Variants in ANXA2 observed in about 807,000 individuals in gnomAD.
ANXA2 encodes annexin A2.
In ANXA2, 28 loss-of-function variants were observed where a neutral mutation model predicts 47.3. The observed-to-expected ratio is 0.59, with a 90% CI of 0.44 to 0.81. ANXA2 has a LOEUF of 0.81. Among genes scored for constraint, ANXA2 ranks in the 40% least tolerant of loss-of-function variants. The probability of loss-of-function intolerance (pLI) is 0.00; values close to 1 mark genes in which losing one functional copy is unlikely to be tolerated. For missense variants in ANXA2, 384 were observed against 414.3 expected (o/e 0.93, Z 0.64); for synonymous variants, 172 against 155.5 (o/e 1.11, Z -0.79).
chr15:60,353,840 G>A (rs963212820), intron 8 of ANXA2, among the ~76,000 whole-genome samples: 3 of 152,138 alleles, frequency 2.0e-5, no homozygotes, highest in East Asian at 1.9e-4. Context: ...TATGTGGAGC[G>A]ATTCTAAGGT....
At chr15:60,380,760 T>C (rs1375373158) in intron 3 of ANXA2, among the ~76,000 whole-genome samples, 1 of 130,240 alleles carries the variant, frequency 7.7e-6, no homozygotes, top group Non-Finnish European at 1.5e-5. Flanking sequence ...GCTGAGATGA[T>C]GCCCTTGCAC....
chr15:60,357,089 T>C (rs531879197), intron 6 of ANXA2, 57 bp downstream of exon 6: 11 of 1,520,262 alleles, frequency 7.2e-6, no homozygotes, highest in Middle Eastern at 2.2e-4. Flanking sequence ...CCAGTGGCCA[T>C]GATAGAGTCA....
chr15:60,366,806 G>C (rs1246093994), intron 3 of ANXA2, among the ~76,000 whole-genome samples: 31 of 110,484 alleles, frequency 2.8e-4, no homozygotes, highest in Non-Finnish European at 5.2e-4. Context: ...GGGAGGCGGG[G>C]GGGGGGGGGG....
intron 3 of ANXA2, among the ~76,000 whole-genome samples, 173 bp from the exon 4 acceptor site, chr15:60,364,696 T>C (rs2062568855): frequency 6.6e-6 from 1 of 152,214 alleles, no homozygotes; most frequent in African/African-American, 2.4e-5. Flanking sequence ...CTACCCAATG[T>C]GTACACTCTC....
At chr15:60,348,451 A>C (rs955969673) in intron 12 of ANXA2, among the ~76,000 whole-genome samples, 1 of 152,242 alleles carries the variant, frequency 6.6e-6, no homozygotes, top group Non-Finnish European at 1.5e-5. Flanking sequence ...ATGCATAATA[A>C]AAGTAAAATG....
At position 60,368,031 on chromosome 15, in the gene ANXA2, G is replaced by GA. The variant is rs781508021; in HGVS notation, c.149-3509dup. On this transcript the variant is annotated intron_variant, in intron 3 of 12. Transcript: ENST00000451270. ...CCTTATCCCCAACCCTGTGCTCTCT[G>GA]AAACATGTGCTGCGTCCACTCAGGG... 2.0e-3 allele frequency among the ~76,000 whole-genome samples: 253 copies of GA among 128,170 alleles called. 4 individuals carry two copies. Among genetic ancestry groups the GA allele is most frequent in the South Asian group, 7.6e-3 (28 of 3,666 alleles). 84.1% of individuals were successfully genotyped at this position (128,170 alleles called of 152,430 possible). A position where few individuals can be genotyped will look rare whatever the true frequency, so the allele number is the denominator to read the frequency against.
intron 1 of ANXA2, chr15:60,395,790 C>T (rs991251279): frequency 2.0e-5 from 3 of 152,158 alleles, no homozygotes; most frequent in Admixed American, 1.3e-4. Context: ...GTTGGCACTG[C>T]GGGAAATTAC....
At chr15:60,362,243 T>C (rs28513795) in intron 4 of ANXA2, among the ~76,000 whole-genome samples, 1,788 of 152,228 alleles carry the variant, frequency 0.012, 41 homozygotes, top group African/African-American at 0.041. Flanking sequence ...AAACTTAGCC[T>C]ACCCTTGACA....
At chr15:60,390,630 AT>A in intron 1 of ANXA2, 1 of 265,992 alleles carries the variant, frequency 3.8e-6, no homozygotes, top group East Asian at 9.9e-5. Context: ...ACATGCAAAC[AT>A]TTTCAACTGG....
At chr15:60,365,622 G>A (rs1366564590) in intron 3 of ANXA2, among the ~76,000 whole-genome samples, 1 of 152,214 alleles carries the variant, frequency 6.6e-6, no homozygotes, top group African/African-American at 2.4e-5. Flanking sequence ...GACAGAGGAA[G>A]TATTTTGAAT....
intron 1 of ANXA2, chr15:60,390,517 TA>T: frequency 2.1e-6 from 1 of 487,298 alleles, no homozygotes; most frequent in South Asian, 1.5e-5. Context: ...GTGGGTAGAC[TA>T]AGGCAATTTT....
At chr15:60,391,105 G>A (rs893010048) in intron 1 of ANXA2, 10 of 152,248 alleles carry the variant, frequency 6.6e-5, no homozygotes, top group African/African-American at 9.7e-5. Flanking sequence ...CACCCTGCAG[G>A]ACCTTTGAGC....
chr15:60,393,702 C>T (rs1170076893), intron 1 of ANXA2: 1 of 984,776 alleles, frequency 1.0e-6, no homozygotes, highest in Non-Finnish European at 1.2e-6. Context: ...ACACACCCCT[C>T]CTTGCCCTGT....
intron 3 of ANXA2, among the ~76,000 whole-genome samples, chr15:60,370,011 C>T (rs2062691229): frequency 6.6e-6 from 1 of 152,166 alleles, no homozygotes; most frequent in Non-Finnish European, 1.5e-5. Context: ...GTCCAGCCAG[C>T]ACTGATAGAA....
intron 2 of ANXA2, chr15:60,384,425 A>C (rs957023693): frequency 6.6e-6 from 1 of 152,246 alleles, no homozygotes; most frequent in Non-Finnish European, 1.5e-5. Context: ...GTCTGAAATG[A>C]AATTAGTGAG....
rs557107668 is a variant in ANXA2, at chr15:60,378,794, C to A, written c.148+3548G>T. 4.2e-3 allele frequency among the ~76,000 whole-genome samples: 638 copies of A among 152,040 alleles called. 2 individuals carry two copies. Among genetic ancestry groups the A allele is most frequent in the Non-Finnish European group, 7.2e-3 (492 of 67,970 alleles). On this transcript the variant is annotated intron_variant, in intron 3 of 12. Coordinates refer to ENST00000451270, the MANE Select transcript of ANXA2 (RefSeq NM_004039.3). The stretch of plus-strand genomic sequence containing the variant: ...CAGCCTGGCCAAGATGGCAAAACCC[C>A]GTCTCTACTAAAAATACAAAAATTA...
At chr15:60,354,481 T>C (rs1273868276) in intron 7 of ANXA2, among the ~76,000 whole-genome samples, 1 of 151,736 alleles carries the variant, frequency 6.6e-6, no homozygotes, top group Non-Finnish European at 1.5e-5. Flanking sequence ...CTCTACTAAA[T>C]TAGCCAGGCG....
Position 60,354,134 on chromosome 15 carries a change from G to A in ANXA2, c.588+20C>T. On this transcript the variant is annotated intron_variant, in intron 8 of 12. Coordinates refer to ENST00000451270, the MANE Select transcript of ANXA2 (RefSeq NM_004039.3). Reference sequence around the variant, plus strand: ...ACTTACCAGAAAACAAAAACTCAAAGCAAAAAGCTCAGCACTTACCCGAGC... The same window carrying A: ...ACTTACCAGAAAACAAAAACTCAAAACAAAAAGCTCAGCACTTACCCGAGC... 1 of 1,610,060 alleles carries A rather than the reference G, an allele frequency of 6.2e-7. No individual in the cohort carries two copies.
At chr15:60,365,911 C>G (rs1193415294) in intron 3 of ANXA2, among the ~76,000 whole-genome samples, 12 of 135,820 alleles carry the variant, frequency 8.8e-5, no homozygotes, top group Admixed American at 3.0e-4. Flanking sequence ...CAAAGCTGGA[C>G]GGTACTGCTG....
Sources: allele counts gnomAD v4.1 joint callset (sites outside exome capture counted in the v4.1 genomes callset), GRCh38; gene constraint gnomAD v4.1.1; transcripts MANE v1.5; gene names NCBI Gene and HGNC (gene_info 2026-07-23, HGNC 2026-07-21).